The following VPS39 variants were observed in gnomAD, a reference collection of about 807,000 sequenced individuals.
VPS39 encodes the protein VPS39 subunit of HOPS complex.
VPS39 carries 70 observed loss-of-function variants against 121.0 expected under a neutral mutation model. The ratio of observed to expected loss-of-function variants is 0.58; its 90% CI spans 0.48 to 0.71. VPS39 has a LOEUF of 0.71. Ranked by LOEUF, VPS39 falls within the 30% of genes least tolerant of loss-of-function variation. The pLI, the probability that VPS39 is intolerant of heterozygous loss-of-function variation, is 0.00. For missense variants in VPS39, 818 were observed against 1,051.5 expected (o/e 0.78, Z 3.07); for synonymous variants, 378 against 398.1 (o/e 0.95, Z 0.60).
intron 12 of VPS39, among the ~76,000 whole-genome samples, chr15:42,169,465 T>C (rs185588896): frequency 1.3e-5 from 2 of 152,382 alleles, no homozygotes; most frequent in African/African-American, 4.8e-5. Context: ...ATTTACTTTT[T>C]TTAGTTTCTA....
chr15:42,189,064 G>A (rs1342950390), intron 5 of VPS39, 50 bp downstream of exon 5: 2 of 1,310,910 alleles, frequency 1.5e-6, no homozygotes, highest in Non-Finnish European at 2.2e-6. Flanking sequence ...ATGTAGGAAA[G>A]ACTGTATTGA....
intron 2 of VPS39, among the ~76,000 whole-genome samples, chr15:42,196,552 C>A (rs1408362644): frequency 7.9e-5 from 12 of 152,144 alleles, no homozygotes; most frequent in Admixed American, 1.3e-4. Flanking sequence ...ATGCAGCCAA[C>A]AGACACATGA....
intron 22 of VPS39, 52 bp downstream of exon 22, chr15:42,162,280 C>A: frequency 3.8e-6 from 6 of 1,596,174 alleles, no homozygotes; most frequent in Non-Finnish European, 5.1e-6. Context: ...TTCCTCTTCT[C>A]ATTCGGTGCT....
At chr15:42,195,221 A>G (rs1037851862) in intron 2 of VPS39, among the ~76,000 whole-genome samples, 1 of 152,130 alleles carries the variant, frequency 6.6e-6, no homozygotes, top group Admixed American at 6.5e-5. Flanking sequence ...CGGGCGGATC[A>G]CTTGAGGTCA....
At chr15:42,185,039 C>T (rs2049671377) in intron 7 of VPS39, among the ~76,000 whole-genome samples, 1 of 152,136 alleles carries the variant, frequency 6.6e-6, no homozygotes, top group Non-Finnish European at 1.5e-5. Context: ...TGCCATATGC[C>T]CCTTAAAGAT....
At position 42,178,563 on chromosome 15, in the gene VPS39, C is replaced by G; in HGVS notation, c.726G>C (p.Gln242His). The G allele has an allele frequency of 6.2e-7, 1 of 1,614,070 alleles. No homozygotes were observed. The highest frequency in any genetic ancestry group is 8.5e-7 in the Non-Finnish European group (1 of 1,180,004). Residue 242 changes from glutamine (Q) to histidine (H), a missense_variant, in exon 9 of 25, where the codon CAG (glutamine) becomes CAC (histidine). Gln to His is a conservative substitution (Grantham distance 24). Coordinates refer to ENST00000318006, the MANE Select transcript of VPS39 (RefSeq NM_015289.5). ...GCAACACTGCAATGATGTAGGGAGG[C>G]TGGTGCTCTGTGAAAGAGAACATAC... is the stretch of plus-strand genomic sequence containing the variant. The part of the protein sequence containing the change: ...WTDIPVAMEH[Q>H]PPYIIAVLPR...
chr15:42,162,222 G>A, intron 22 of VPS39, 56 bp from the exon 23 acceptor site: 1 of 1,610,632 alleles, frequency 6.2e-7, no homozygotes, highest in Middle Eastern at 1.7e-4. Context: ...TGAGAATGAA[G>A]AAATGTCTGC....
intron 10 of VPS39, among the ~76,000 whole-genome samples, chr15:42,175,529 T>G (rs1338689356): frequency 6.6e-6 from 1 of 152,146 alleles, no homozygotes; most frequent in Non-Finnish European, 1.5e-5. Context: ...CTTTGCTTCT[T>G]CCTCATAACC....
At chr15:42,195,138 G>T (rs1041159472) in intron 2 of VPS39, among the ~76,000 whole-genome samples, 1 of 152,016 alleles carries the variant, frequency 6.6e-6, no homozygotes, top group Non-Finnish European at 1.5e-5. Flanking sequence ...AGCCCTCTCA[G>T]TTCAAAATAA....
intron 1 of VPS39, among the ~76,000 whole-genome samples, chr15:42,202,023 T>C (rs2050078186): frequency 6.6e-6 from 1 of 152,210 alleles, no homozygotes; most frequent in Non-Finnish European, 1.5e-5. Context: ...GCCTAGGGAA[T>C]ATATAACTTT....
Position 42,161,732 on chromosome 15 carries a change from G to C in VPS39, c.2502C>G (p.Ile834Met). The C allele has an allele frequency of 6.2e-7, 1 of 1,614,132 alleles. No homozygotes were observed. Among genetic ancestry groups the C allele is most frequent in the Non-Finnish European group, 8.5e-7 (1 of 1,180,032 alleles). The change falls in exon 24 of 25, where the codon ATC (isoleucine) becomes ATG (methionine). Residue 834 changes from isoleucine (I) to methionine (M), a missense_variant. Transcript: ENST00000318006. ...CCATGCACACCTTCTCCTCTGTGAT[G>C]ATGCACTTCACCTGCTGGTGTAAAA... ...ERILHQQVKC[I>M]ITEEKVCMVC...
intron 8 of VPS39, among the ~76,000 whole-genome samples, chr15:42,183,456 C>T (rs945716243): frequency 7.2e-5 from 11 of 152,136 alleles, no homozygotes; most frequent in Middle Eastern, 3.2e-3. Flanking sequence ...ACTGGCCTCC[C>T]AGACCTTCTC....
Position 42,159,572 on chromosome 15 carries a change from C to A in VPS39, c.*1182G>T, listed in dbSNP as rs1161728066. On this transcript the variant is annotated 3_prime_UTR_variant, in exon 25 of 25. Coordinates refer to ENST00000318006, the MANE Select transcript of VPS39 (RefSeq NM_015289.5). ...AACCAGCGTCCTGCTGTTCTTGCCC[C>A]CCGCGTCCCCTCTGCTGTGCCTAAA... 2 of 152,434 alleles carry A rather than the reference C, an allele frequency of 1.3e-5. No individual in the cohort carries two copies. The highest frequency in any genetic ancestry group is 4.8e-5 in the African/African-American group (2 of 41,460). 9.4% of individuals were successfully genotyped at this position (152,434 alleles called of 1,614,324 possible).
chr15:42,198,181 T>C (rs774443218), intron 2 of VPS39, among the ~76,000 whole-genome samples: 3 of 152,188 alleles, frequency 2.0e-5, no homozygotes, highest in Non-Finnish European at 4.4e-5. Context: ...TAAAGTCTTG[T>C]TTTCAATTTC....
At chr15:42,191,749 G>C (rs1331580371) in intron 2 of VPS39, among the ~76,000 whole-genome samples, 189 bp from the exon 3 acceptor site, 2 of 152,152 alleles carry the variant, frequency 1.3e-5, no homozygotes, top group Non-Finnish European at 2.9e-5. Flanking sequence ...TCTAATTTTA[G>C]AGCAGAGCGT....
In VPS39 at chr15:42,173,809, T is replaced by G; in HGVS notation, c.1004A>C (p.His335Pro). ...GAAGGCATACAAGTTCTTGATGTGA[T>G]GAATTTGTTGCTGCTTTTCACTGTC... ...DSDSEKQQQI[H>P]HIKNLYAFNL... Residue 335 changes from histidine (H) to proline (P), a missense_variant, in exon 11 of 25, where the codon CAT (histidine) becomes CCT (proline). By Grantham distance (77) the His-to-Pro change is moderately conservative. Transcript: ENST00000318006. 6.2e-7 allele frequency: 1 copy of G among 1,614,198 alleles called. No homozygotes were observed. Among genetic ancestry groups the G allele is most frequent in the Non-Finnish European group, 8.5e-7 (1 of 1,180,000 alleles).
rs369967285 is a variant in VPS39 at position 42,177,162 on chromosome 15, T to TAAA, written c.960+1053_960+1055dup. On this transcript the variant is annotated intron_variant, in intron 10 of 24. Transcript: ENST00000318006. ...TGGGTGACAGAGTGAGACCCTGTTTTAAAAAAAAAAAAAAAAAAAAAAAAA... is the reference window on the plus strand; with the variant it reads ...TGGGTGACAGAGTGAGACCCTGTTTTAAAAAAAAAAAAAAAAAAAAAAAAAAAA... Among the ~76,000 whole-genome samples, 75 of 56,392 alleles carry TAAA rather than the reference T, an allele frequency of 1.3e-3. 21 individuals are homozygous for TAAA. The highest frequency in any genetic ancestry group is 3.2e-3 in the African/African-American group (50 of 15,716). The allele number at this position is 56,392 out of a possible 152,430, so 37.0% of individuals were successfully genotyped here.
chr15:42,198,157 T>C (rs1303268726), intron 2 of VPS39, among the ~76,000 whole-genome samples: 1 of 152,216 alleles, frequency 6.6e-6, no homozygotes, highest in Non-Finnish European at 1.5e-5. Flanking sequence ...TATACTGTGT[T>C]GAGACTTCAT....
chr15:42,191,475 A>G, intron 3 of VPS39, 21 bp downstream of exon 3: 1 of 1,610,266 alleles, frequency 6.2e-7, no homozygotes, highest in Non-Finnish European at 8.5e-7. Context: ...TATTCTTGTA[A>G]GGACTGCCAT....
Sources: allele counts gnomAD v4.1 joint callset (sites outside exome capture counted in the v4.1 genomes callset), GRCh38; gene constraint gnomAD v4.1.1; transcripts MANE v1.5; gene names NCBI Gene and HGNC (gene_info 2026-07-23, HGNC 2026-07-21).